Variants in JAKMIP1 observed in about 807,000 individuals in gnomAD.
JAKMIP1 encodes the protein janus kinase and microtubule interacting protein 1.
A neutral mutation model predicts 113.0 loss-of-function variants in JAKMIP1; 33 were observed. That is an observed-to-expected ratio of 0.29 (90% CI 0.22 to 0.39). The LOEUF is 0.39. Ranked by LOEUF, JAKMIP1 falls within the 10% of genes least tolerant of loss-of-function variation. The pLI is 1.00. For missense variants in JAKMIP1, 813 were observed against 1,080.5 expected, an observed-to-expected ratio of 0.75 and a Z score of 3.47; for synonymous variants, 480 against 459.9, an observed-to-expected ratio of 1.04 and a Z score of -0.56.
Position 6,097,468 on chromosome 4 carries a change from C to CT in JAKMIP1, c.624+8004dup, listed in dbSNP as rs923947237. Among the ~76,000 whole-genome samples the CT allele has an allele frequency of 2.6e-5, 4 of 152,214 alleles. No homozygotes were observed. The highest frequency in any genetic ancestry group is 5.9e-5 in the Non-Finnish European group (4 of 68,010). On this transcript the variant is annotated intron_variant, in intron 3 of 20. Transcript: ENST00000409021. This position sits in a 1 kb window ranked among gnomAD's most constrained non-coding sequence, Gnocchi z 4.3. ...CACAGCTGATGGGGGCTAGGGGGAT[C>CT]TTTTTTCCCCTTGGGTATGCTAAAT...
chr4:6,197,852 C>T lies in JAKMIP1; in HGVS notation c.-148+2401G>A, dbSNP rs975563346. ...CCATAGCCTGCAGTGGCAATTGCTGCTGGCTTAAGCATTAGAAATTGTTCC... is the reference window on the plus strand; with the variant it reads ...CCATAGCCTGCAGTGGCAATTGCTGTTGGCTTAAGCATTAGAAATTGTTCC... On this transcript the variant is annotated intron_variant, in intron 1 of 20. Transcript: ENST00000409021. The surrounding 1 kb of genome is among the most constrained non-coding windows in gnomAD (Gnocchi z 6.5). 5.3e-5 allele frequency among the ~76,000 whole-genome samples: 8 copies of T among 152,232 alleles called. No individual in the cohort carries two copies. The highest frequency in any genetic ancestry group is 1.9e-4 in the African/African-American group (8 of 41,452).
At chr4:6,055,213 A>T (rs945862891) in intron 12 of JAKMIP1, among the ~76,000 whole-genome samples, 8 of 151,988 alleles carry the variant, frequency 5.3e-5, no homozygotes, top group African/African-American at 1.9e-4. Context: ...ACATCCAGAG[A>T]CAGTGGACTG....
In JAKMIP1 at chr4:6,153,020, C is replaced by G. The variant is rs537267727; in HGVS notation, c.-147-40023G>C. Among the ~76,000 whole-genome samples the G allele has an allele frequency of 4.1e-4, 63 of 151,998 alleles. No individual in the cohort carries two copies. Among genetic ancestry groups the G allele is most frequent in the African/African-American group, 1.4e-3 (60 of 41,430 alleles). On this transcript the variant is annotated intron_variant, in intron 1 of 20. Transcript: ENST00000409021. The surrounding 1 kb of genome is among the most constrained non-coding windows in gnomAD (Gnocchi z 4.9). ...TCCCTTAGCCCCAATTCTAGGAAAC[C>G]CACATCACCTTCCTGTTAACCTGAG... is the stretch of plus-strand genomic sequence containing the variant.
In JAKMIP1 at chr4:6,151,221, T is replaced by C. The variant is rs192409381; in HGVS notation, c.-147-38224A>G. 4.4e-4 allele frequency among the ~76,000 whole-genome samples: 67 copies of C among 152,328 alleles called. 1 individual carries two copies. Among genetic ancestry groups the C allele is most frequent in the South Asian group, 2.3e-3 (11 of 4,826 alleles). ...TGTCTATGTTCCATACAGGACCTCA[T>C]TTAATCCTCTCCACAACCCTATGAA... On this transcript the variant is annotated intron_variant, in intron 1 of 20. Transcript: ENST00000409021.
In JAKMIP1 at chr4:6,067,835, C is replaced by G. The variant is rs984359106; in HGVS notation, c.1303-2827G>C. ...CCTGAGCTCCACGTTCACTCAAGCT[C>G]TTCTGCACACGCAGGTCACCCCCCT... On this transcript the variant is annotated intron_variant, in intron 8 of 20. Transcript: ENST00000409021. This position sits in a 1 kb window ranked among gnomAD's most constrained non-coding sequence, Gnocchi z 4.6. Among the ~76,000 whole-genome samples, 5 of 152,100 alleles carry G rather than the reference C, an allele frequency of 3.3e-5. No individual in the cohort carries two copies. The highest frequency in any genetic ancestry group is 1.2e-4 in the African/African-American group (5 of 41,390).
Position 6,040,449 on chromosome 4 carries a change from G to T in JAKMIP1, c.2175+190C>A, listed in dbSNP as rs1714166204. Among the ~76,000 whole-genome samples, 1 of 152,138 alleles carries T rather than the reference G, an allele frequency of 6.6e-6. No homozygotes were observed. Among genetic ancestry groups the T allele is most frequent in the African/African-American group, 2.4e-5 (1 of 41,434 alleles). ...CATTAAAGTAACTTTGAATATTTTT[G>T]AAAATCACGATTGATTTGGAAAAAG... On this transcript the variant is annotated intron_variant, in intron 18 of 20. Coordinates refer to ENST00000409021, the MANE Select transcript of JAKMIP1 (RefSeq NM_001099433.2). This position sits in a 1 kb window ranked among gnomAD's most constrained non-coding sequence, Gnocchi z 5.8.
chr4:6,057,817 G>A (rs1179888851), intron 11 of JAKMIP1, among the ~76,000 whole-genome samples: 2 of 152,202 alleles, frequency 1.3e-5, no homozygotes, highest in Non-Finnish European at 2.9e-5. Context: ...GGTGACCTGA[G>A]CAGAGGTTTG....
At chr4:6,066,855 C>T (rs1718167860) in intron 8 of JAKMIP1, among the ~76,000 whole-genome samples, 1 of 152,170 alleles carries the variant, frequency 6.6e-6, no homozygotes, top group Non-Finnish European at 1.5e-5. Context: ...ATCCACCTCC[C>T]ATCCTGCCCT....
In JAKMIP1 at chr4:6,178,900, G is replaced by T. The variant is rs1725705213; in HGVS notation, c.-148+21353C>A. Among the ~76,000 whole-genome samples, 1 of 152,186 alleles carries T rather than the reference G, an allele frequency of 6.6e-6. No homozygotes were observed. The highest frequency in any genetic ancestry group is 1.9e-4 in the East Asian group (1 of 5,194). ...CTTCACATGGGATTGTTCACCAGCT[G>T]TCTCCCTGCCCCGGCACAGTGCCTG... On this transcript the variant is annotated intron_variant, in intron 1 of 20. Coordinates refer to ENST00000409021, the MANE Select transcript of JAKMIP1 (RefSeq NM_001099433.2). This position sits in a 1 kb window ranked among gnomAD's most constrained non-coding sequence, Gnocchi z 5.5.
chr4:6,080,390 C>T lies in JAKMIP1; in HGVS notation c.1102-78G>A, dbSNP rs868313452. The T allele has an allele frequency of 2.6e-6, 4 of 1,510,786 alleles. No homozygotes were observed. The highest frequency in any genetic ancestry group is 1.8e-4 in the Middle Eastern group (1 of 5,684). 93.6% of individuals were successfully genotyped at this position (1,510,786 alleles called of 1,614,324 possible). A position where few individuals can be genotyped will look rare whatever the true frequency, so the allele number is the denominator to read the frequency against. ...TTAGGGACAGTGCTGGAGTGGAGCT[C>T]AGGGGTGCAGGGACAGAAGGATGGA... On this transcript the variant is annotated intron_variant, in intron 6 of 20. Transcript: ENST00000409021. The surrounding 1 kb of genome is among the most constrained non-coding windows in gnomAD (Gnocchi z 6.0).
At chr4:6,126,475 C>T (rs557090430) in intron 1 of JAKMIP1, among the ~76,000 whole-genome samples, 44 of 146,172 alleles carry the variant, frequency 3.0e-4, no homozygotes, top group Non-Finnish European at 5.8e-4. Flanking sequence ...CATACACACA[C>T]CATGTAGAAA....
rs1379417610 is a variant in JAKMIP1, at chr4:6,181,860, C to T, written c.-148+18393G>A. On this transcript the variant is annotated intron_variant, in intron 1 of 20. Coordinates refer to ENST00000409021, the MANE Select transcript of JAKMIP1 (RefSeq NM_001099433.2). This position sits in a 1 kb window ranked among gnomAD's most constrained non-coding sequence, Gnocchi z 5.4. Reference sequence around the variant, plus strand: ...AATGGCATCAGTCACACACTGTGACCATGGCTGTGACAGACAGATGTACAG... The same window carrying T: ...AATGGCATCAGTCACACACTGTGACTATGGCTGTGACAGACAGATGTACAG... Among the ~76,000 whole-genome samples, 1 of 152,064 alleles carries T rather than the reference C, an allele frequency of 6.6e-6. No homozygotes were observed. Among genetic ancestry groups the T allele is most frequent in the Non-Finnish European group, 1.5e-5 (1 of 68,018 alleles).
At chr4:6,047,353 T>A (rs1186321640) in intron 16 of JAKMIP1, among the ~76,000 whole-genome samples, 1 of 152,254 alleles carries the variant, frequency 6.6e-6, no homozygotes, top group Non-Finnish European at 1.5e-5. Context: ...ATCAGCACTT[T>A]GTGTGACTAC....
At chr4:6,189,494 C>T (rs1485062923) in intron 1 of JAKMIP1, among the ~76,000 whole-genome samples, 3 of 152,200 alleles carry the variant, frequency 2.0e-5, no homozygotes, top group Non-Finnish European at 4.4e-5. Flanking sequence ...ATACTGTGAT[C>T]CTGCTAAGGT....
In JAKMIP1 at chr4:6,088,686, C is replaced by T. The variant is rs1721629887; in HGVS notation, c.625-3057G>A. ...CCCAGAGGTTAAGACACTGGCCACG[C>T]TCACGTAGCAAGAGGCAGGCACACT... On this transcript the variant is annotated intron_variant, in intron 3 of 20. Coordinates refer to ENST00000409021, the MANE Select transcript of JAKMIP1 (RefSeq NM_001099433.2). The surrounding 1 kb of genome is among the most constrained non-coding windows in gnomAD (Gnocchi z 5.5). Among the ~76,000 whole-genome samples, 1 of 152,184 alleles carries T rather than the reference C, an allele frequency of 6.6e-6. No homozygotes were observed. The highest frequency in any genetic ancestry group is 2.4e-5 in the African/African-American group (1 of 41,442).
intron 2 of JAKMIP1, among the ~76,000 whole-genome samples, chr4:6,111,150 G>A (rs575279649): frequency 2.6e-5 from 4 of 152,038 alleles, no homozygotes; most frequent in African/African-American, 4.8e-5. Flanking sequence ...CCCCAGCCCC[G>A]TCCCCACCTG....
intron 8 of JAKMIP1, among the ~76,000 whole-genome samples, chr4:6,070,656 T>G (rs906503519): frequency 9.2e-5 from 14 of 152,232 alleles, no homozygotes; most frequent in African/African-American, 3.1e-4. Context: ...CCACGATAGA[T>G]TCTCCCTCAG....
rs1401956944 is a variant in JAKMIP1, at chr4:6,093,168, G to A, written c.625-7539C>T. ...ACCCAGCTCACACCTCACTTCCTCT[G>A]TGAAATGACTCCTGCATCTACCCAC... On this transcript the variant is annotated intron_variant, in intron 3 of 20. Coordinates refer to ENST00000409021, the MANE Select transcript of JAKMIP1 (RefSeq NM_001099433.2). This position sits in a 1 kb window ranked among gnomAD's most constrained non-coding sequence, Gnocchi z 4.6. Among the ~76,000 whole-genome samples, 1 of 152,090 alleles carries A rather than the reference G, an allele frequency of 6.6e-6. No individual in the cohort carries two copies. The highest frequency in any genetic ancestry group is 2.4e-5 in the African/African-American group (1 of 41,392).
rs374924882 is a variant in JAKMIP1, at chr4:6,060,538, G to T, written c.1561-31C>A. ...AGGGAAAAGACCAGGCAGTGAGCAGGTCACCTCCAATGGGTGACAGGGAAG... is the reference window on the plus strand; with the variant it reads ...AGGGAAAAGACCAGGCAGTGAGCAGTTCACCTCCAATGGGTGACAGGGAAG... On this transcript the variant is annotated intron_variant, in intron 10 of 20. Transcript: ENST00000409021. The T allele has an allele frequency of 4.2e-5, 65 of 1,546,704 alleles. No homozygotes were observed. In the African/African-American group the frequency reaches 8.3e-4, roughly 20 times the overall value.
Sources: gnomAD v4.1 joint callset for allele counts (sites outside exome capture counted in the v4.1 genomes callset) on GRCh38, gnomAD v4.1.1 for gene constraint, Gnocchi (gnomAD v3.1) non-coding constraint, MANE v1.5 for transcripts, NCBI Gene and HGNC (gene_info 2026-07-23, HGNC 2026-07-21) for gene names.